The following RAB11FIP3 variants were observed in gnomAD, a reference collection of about 807,000 sequenced individuals.
The protein encoded by RAB11FIP3 is rab11 family-interacting protein 3.
In RAB11FIP3, 17 loss-of-function variants were observed where a neutral mutation model predicts 77.8. The observed-to-expected ratio is 0.22, with a 90% CI of 0.15 to 0.33. RAB11FIP3 has a LOEUF of 0.33. Ranked by LOEUF, RAB11FIP3 falls within the 10% of genes least tolerant of loss-of-function variation. The pLI is 1.00. For synonymous variants in RAB11FIP3, 437 were observed against 448.2 expected, an observed-to-expected ratio of 0.98 and a Z score of 0.31; for missense variants, 1,005 against 1,011.2, an observed-to-expected ratio of 0.99 and a Z score of 0.08.
chr16:491,823 G>A (rs557767692), intron 5 of RAB11FIP3, among the ~76,000 whole-genome samples: 55 of 151,738 alleles, frequency 3.6e-4, no homozygotes, highest in Admixed American at 1.2e-3. Context: ...GATTTCGCTT[G>A]CGGTGAAGCC....
chr16:482,657 G>C lies in RAB11FIP3; in HGVS notation c.1036G>C (p.Gly346Arg). ...ACCTGAAGGGGACGCAGACAGTGCC[G>C]GCGGCTCGGCCGTGCCCTCTGAGTG... is the stretch of plus-strand genomic sequence containing the variant. ...LQPEGDADSA[G>R]GSAVPSECLD... Residue 346 changes from glycine (G) to arginine (R), a missense_variant, in exon 4 of 14, where the codon GGC becomes CGC. Physicochemically the swap from Gly to Arg is moderately radical, Grantham distance 125. This residue lies in a region of RAB11FIP3 where 433 missense variants were observed against 436.1 expected (regional missense o/e 0.99). Transcript: ENST00000262305. The C allele has an allele frequency of 6.2e-7, 1 of 1,612,980 alleles. No individual in the cohort carries two copies. The highest frequency in any genetic ancestry group is 8.5e-7 in the Non-Finnish European group (1 of 1,179,986).
intron 2 of RAB11FIP3, among the ~76,000 whole-genome samples, chr16:469,017 C>T (rs1197417462): frequency 2.0e-5 from 3 of 152,124 alleles, no homozygotes; most frequent in African/African-American, 7.2e-5. Context: ...TTTATAAGCG[C>T]AGGCAAGACT....
rs1238342170 is a variant in RAB11FIP3, at chr16:474,681, A to T, written c.903+3292A>T. Among the ~76,000 whole-genome samples, 9 of 151,712 alleles carry T rather than the reference A, an allele frequency of 5.9e-5. No homozygotes were observed. In the South Asian group the frequency reaches 8.4e-4, roughly 14 times the overall value. Reference sequence around the variant, plus strand: ...GATGTCTGGAGCAAAGAGCTGCCTTAGTGAAATGATAGTGAAATGTGTCTT... The same window carrying T: ...GATGTCTGGAGCAAAGAGCTGCCTTTGTGAAATGATAGTGAAATGTGTCTT... On this transcript the variant is annotated intron_variant, in intron 3 of 13. Transcript: ENST00000262305.
intron 5 of RAB11FIP3, among the ~76,000 whole-genome samples, chr16:492,143 C>T (rs1240699080): frequency 6.6e-6 from 1 of 152,218 alleles, no homozygotes; most frequent in Admixed American, 6.5e-5. Context: ...GCGCTCACTG[C>T]CCACGGCCTT....
Position 519,898 on chromosome 16 carries a change from A to G in RAB11FIP3, c.1860+7A>G. On this transcript the variant is annotated splice_region_variant and intron_variant, in intron 11 of 13. Transcript: ENST00000262305. ...CAAGGAGGCCACCCAGGAGGTGAGC[A>G]CCCACCCTGCCCCACGCCCAGTCCT... The G allele has an allele frequency of 6.3e-7, 1 of 1,576,064 alleles. No individual in the cohort carries two copies. The highest frequency in any genetic ancestry group is 1.8e-5 in the Admixed American group (1 of 54,380).
At chr16:428,942 C>T (rs540195456) in intron 1 of RAB11FIP3, among the ~76,000 whole-genome samples, 1 of 152,090 alleles carries the variant, frequency 6.6e-6, no homozygotes, top group Admixed American at 6.6e-5. Flanking sequence ...GGCTGGATGA[C>T]TTGGGATTTG....
intron 1 of RAB11FIP3, among the ~76,000 whole-genome samples, chr16:459,151 A>T (rs2055559684): frequency 6.9e-6 from 1 of 145,866 alleles, no homozygotes; most frequent in Non-Finnish European, 1.5e-5. Context: ...TTTGAGACAG[A>T]GTTTCGCTGT....
chr16:479,187 T>C (rs1228717136), intron 3 of RAB11FIP3, among the ~76,000 whole-genome samples: 1 of 151,842 alleles, frequency 6.6e-6, no homozygotes, highest in Non-Finnish European at 1.5e-5. Flanking sequence ...AGCTCAGGAG[T>C]TTGGGACTAG....
intron 1 of RAB11FIP3, among the ~76,000 whole-genome samples, chr16:445,779 G>A (rs757197245): frequency 1.2e-4 from 19 of 152,156 alleles, no homozygotes; most frequent in Admixed American, 2.6e-4. Flanking sequence ...TGCTCTCGGC[G>A]GGAGGTGCTT....
intron 9 of RAB11FIP3, among the ~76,000 whole-genome samples, chr16:513,238 T>G (rs1390876321): frequency 2.0e-5 from 3 of 152,112 alleles, no homozygotes; most frequent in Non-Finnish European, 4.4e-5. Context: ...TTGTCTGTTT[T>G]GAGATGGGGT....
At chr16:520,621 C>A (rs369352507) in intron 13 of RAB11FIP3, 22 bp downstream of exon 13, 6 of 1,612,028 alleles carry the variant, frequency 3.7e-6, no homozygotes, top group Middle Eastern at 1.6e-4. Flanking sequence ...CGTGTCTGCA[C>A]GGTGTGGCCT....
At chr16:448,792 G>A (rs1441770897) in intron 1 of RAB11FIP3, among the ~76,000 whole-genome samples, 4 of 151,166 alleles carry the variant, frequency 2.6e-5, no homozygotes, top group African/African-American at 7.3e-5. Flanking sequence ...GTGCATGCCT[G>A]TAATCCCAGC....
chr16:475,063 C>T lies in RAB11FIP3; in HGVS notation c.903+3674C>T, dbSNP rs571551279. On this transcript the variant is annotated intron_variant, in intron 3 of 13. Coordinates refer to ENST00000262305, the MANE Select transcript of RAB11FIP3 (RefSeq NM_014700.4). ...TCCTGAAGGTGTGTACAGAGCCAGGCCCAGCCTGTGAGGCCACCCGGGCCA... is the reference window on the plus strand; with the variant it reads ...TCCTGAAGGTGTGTACAGAGCCAGGTCCAGCCTGTGAGGCCACCCGGGCCA... The T allele has an allele frequency of 3.1e-3, 4,750 of 1,551,600 alleles. 8 individuals are homozygous for T. Among genetic ancestry groups the T allele is most frequent in the Non-Finnish European group, 3.9e-3 (4,432 of 1,146,900 alleles).
chr16:492,360 T>TTCCCGGGGGACCCGAGGCCGCCCAGAGCC (rs2030325588), intron 5 of RAB11FIP3, among the ~76,000 whole-genome samples: 1 of 25,634 alleles, frequency 3.9e-5, no homozygotes, highest in African/African-American at 2.2e-4. Context: ...TTGAAGAGGG[T>TTCCCGGGGGACCCGAGGCCGCCCAGAGCC]CTTCCCGGGA....
At chr16:519,924 G>C in intron 11 of RAB11FIP3, 33 bp downstream of exon 11, 1 of 1,548,482 alleles carries the variant, frequency 6.5e-7, no homozygotes. Context: ...GCCCAGTCCT[G>C]CGCCCAGCCT....
At chr16:482,479 C>A in intron 3 of RAB11FIP3, 46 bp from the exon 4 acceptor site, 1 of 1,576,938 alleles carries the variant, frequency 6.3e-7, no homozygotes, top group Non-Finnish European at 8.7e-7. Context: ...GTTCGCAGTT[C>A]CCCTCCCAGC....
intron 6 of RAB11FIP3, chr16:497,528 G>A (rs1432498412): frequency 8.9e-7 from 1 of 1,128,494 alleles, no homozygotes; most frequent in Non-Finnish European, 1.1e-6. Context: ...AGGGCTGGGA[G>A]ACGCCTCTCC....
intron 1 of RAB11FIP3, among the ~76,000 whole-genome samples, chr16:438,074 GC>G (rs1268251852): frequency 2.0e-5 from 3 of 151,646 alleles, no homozygotes; most frequent in African/African-American, 7.3e-5. Flanking sequence ...CTCCCAAAGT[GC>G]TGGGATTACA....
At position 522,270 on chromosome 16, in the gene RAB11FIP3, A is replaced by ATATATG. The variant is rs1171805277; in HGVS notation, c.*1434_*1435insATGTAT. 157 of 146,612 alleles carry ATATATG rather than the reference A, an allele frequency of 1.1e-3. 2 individuals are homozygous for ATATATG. Among genetic ancestry groups the ATATATG allele is most frequent in the African/African-American group, 3.5e-3 (140 of 39,832 alleles). 9.1% of individuals were successfully genotyped at this position (146,612 alleles called of 1,614,324 possible). On this transcript the variant is annotated 3_prime_UTR_variant, in exon 14 of 14. Transcript: ENST00000262305. ...AATATATATATATATATATATATAT[A>ATATATG]TATGTATAATATATAAAGACTGGCA... is the stretch of plus-strand genomic sequence containing the variant.
Sources: gnomAD v4.1 joint callset for allele counts (sites outside exome capture counted in the v4.1 genomes callset) on GRCh38, gnomAD v4.1.1 for gene constraint, gnomAD v4.1.1 regional missense constraint, MANE v1.5 for transcripts, NCBI Gene and HGNC (gene_info 2026-07-23, HGNC 2026-07-21) for gene names.